PMS1: variants seen among roughly 807,000 people sequenced by gnomAD.
PMS1 encodes the protein PMS1 homolog 1, mismatch repair system component.
Under a neutral mutation model 93.1 loss-of-function variants are expected in PMS1, and 79 were observed. That is an observed-to-expected ratio of 0.85 (90% confidence interval 0.71 to 1.02). The LOEUF (loss-of-function observed/expected upper bound fraction) is 1.02. PMS1 is among the 50% of genes least tolerant of loss of function. The pLI, the probability that PMS1 is intolerant of heterozygous loss-of-function variation, is 0.00. For missense variants in PMS1, 1,064 were observed against 1,085.3 expected, an observed-to-expected ratio of 0.98 and a Z score of 0.28; for synonymous variants, 335 against 363.4, an observed-to-expected ratio of 0.92 and a Z score of 0.89.
At chr2:189,855,829 G>A (rs538168630) in intron 9 of PMS1, 3 of 965,170 alleles carry the variant, frequency 3.1e-6, no homozygotes, top group East Asian at 8.2e-5. Flanking sequence ...ATTGACTTAG[G>A]ACACTTAATA....
intron 2 of PMS1, among the ~76,000 whole-genome samples, chr2:189,794,505 C>T (rs1410237342): frequency 6.6e-6 from 1 of 152,044 alleles, no homozygotes; most frequent in African/African-American, 2.4e-5. Context: ...CTAAAAATTG[C>T]CGACATATAC....
At chr2:189,858,499 T>C (rs1323104550) in intron 9 of PMS1, among the ~76,000 whole-genome samples, 5 of 152,188 alleles carry the variant, frequency 3.3e-5, no homozygotes, top group Non-Finnish European at 7.4e-5. Flanking sequence ...CAGTAGCAGC[T>C]GCTTTTACTT....
chr2:189,824,780 CATA>C (rs1456090949), intron 5 of PMS1, among the ~76,000 whole-genome samples: 1 of 152,010 alleles, frequency 6.6e-6, no homozygotes, highest in Non-Finnish European at 1.5e-5. Context: ...GCTTTTTTCT[CATA>C]GTAGATTTTT....
At chr2:189,831,893 G>A (rs999488042) in intron 5 of PMS1, among the ~76,000 whole-genome samples, 1 of 151,908 alleles carries the variant, frequency 6.6e-6, no homozygotes, top group African/African-American at 2.4e-5. Context: ...GCAATTTCTG[G>A]TTATTTTTAG....
chr2:189,814,677 T>C (rs961813509), intron 4 of PMS1, among the ~76,000 whole-genome samples: 5 of 152,204 alleles, frequency 3.3e-5, no homozygotes, highest in African/African-American at 9.7e-5. Flanking sequence ...CTCATACTTG[T>C]ATTCTAAGAG....
chr2:189,854,683 A>G lies in PMS1; in HGVS notation c.1411A>G (p.Asn471Asp). 6.2e-7 allele frequency: 1 copy of G among 1,613,948 alleles called. No homozygotes were observed. Among genetic ancestry groups the G allele is most frequent in the South Asian group, 1.1e-5 (1 of 91,088 alleles). Residue 471 changes from asparagine (N) to aspartate (D), a missense_variant, in exon 9 of 13, where the codon AAT (asparagine) becomes GAT (aspartate). Transcript: ENST00000441310. ...TAAGCACACCCAGTCAGAAAATGGC[A>G]ATAAAGACCATATAGATGAGAGTGG... ...SVKHTQSENG[N>D]KDHIDESGEN...
chr2:189,790,123 C>T (rs1332017866), intron 1 of PMS1, among the ~76,000 whole-genome samples: 1 of 152,056 alleles, frequency 6.6e-6, no homozygotes, highest in Admixed American at 6.6e-5. Flanking sequence ...ATGTCGTAGG[C>T]AGAATAATAT....
chr2:189,868,955 A>G lies in PMS1; in HGVS notation c.2473+1026A>G, dbSNP rs374109206. Reference sequence around the variant, plus strand: ...CACTGTGTCTTCATTGAAAACAACTAATAATTATTGAATAATTATTATGTA... The same window carrying G: ...CACTGTGTCTTCATTGAAAACAACTGATAATTATTGAATAATTATTATGTA... On this transcript the variant is annotated intron_variant, in intron 11 of 12. Coordinates refer to ENST00000441310, the MANE Select transcript of PMS1 (RefSeq NM_000534.5). Among the ~76,000 whole-genome samples the G allele has an allele frequency of 2.1e-4, 32 of 152,326 alleles. No individual in the cohort carries two copies. The East Asian group carries it at 3.3e-3, about 16-fold the overall frequency.
At chr2:189,839,821 C>G (rs139419508) in intron 5 of PMS1, among the ~76,000 whole-genome samples, 1 of 152,172 alleles carries the variant, frequency 6.6e-6, no homozygotes, top group African/African-American at 2.4e-5. Context: ...AAAATTGATG[C>G]TCAATATGTA....
At chr2:189,849,905 G>A in intron 6 of PMS1, among the ~76,000 whole-genome samples, 1 of 123,106 alleles carries the variant, frequency 8.1e-6, no homozygotes, top group South Asian at 2.7e-4. Context: ...GGTGCTATAT[G>A]AGCCCCCTTT....
intron 5 of PMS1, among the ~76,000 whole-genome samples, chr2:189,842,048 CAG>C (rs1351462188): frequency 1.3e-5 from 2 of 150,916 alleles, no homozygotes; most frequent in East Asian, 4.1e-4. Context: ...ATTTCCCAGC[CAG>C]ACTTTCTGAA....
At chr2:189,844,182 T>C in intron 6 of PMS1, 102 bp downstream of exon 6, 1 of 1,574,696 alleles carries the variant, frequency 6.4e-7, no homozygotes, top group Non-Finnish European at 8.6e-7. Context: ...AGTCTTTTAA[T>C]ATTTTAATCA....
chr2:189,786,848 T>C (rs5742952), intron 1 of PMS1, among the ~76,000 whole-genome samples: 2,480 of 152,206 alleles, frequency 0.016, 67 homozygotes, highest in African/African-American at 0.057. Context: ...GGTCAGGAGT[T>C]TGAGACCAGC....
chr2:189,843,849 G>A (rs1212970451), intron 5 of PMS1, 115 bp from the exon 6 acceptor site: 2 of 858,510 alleles, frequency 2.3e-6, no homozygotes, highest in Non-Finnish European at 3.8e-6. Context: ...TCTTCTAAGT[G>A]ATACTGAAAT....
intron 2 of PMS1, among the ~76,000 whole-genome samples, chr2:189,794,642 T>C (rs754661155): frequency 6.6e-6 from 1 of 152,228 alleles, no homozygotes; most frequent in Non-Finnish European, 1.5e-5. Context: ...CATAAGACTT[T>C]GTGGAGTAAA....
intron 9 of PMS1, among the ~76,000 whole-genome samples, chr2:189,855,438 A>AT (rs55803547): frequency 0.014 from 1,951 of 144,324 alleles, 17 homozygotes; most frequent in African/African-American, 0.021. Context: ...TTTATCTTCT[A>AT]TTTTTTTTTT....
At chr2:189,828,117 G>T (rs1159636659) in intron 5 of PMS1, among the ~76,000 whole-genome samples, 2 of 152,036 alleles carry the variant, frequency 1.3e-5, no homozygotes, top group African/African-American at 4.8e-5. Context: ...GTAGAGACGG[G>T]GTTTCACCAT....
chr2:189,789,233 A>G (rs776309068), intron 1 of PMS1, among the ~76,000 whole-genome samples: 1 of 152,190 alleles, frequency 6.6e-6, no homozygotes, highest in African/African-American at 2.4e-5. Context: ...ACAACACTTT[A>G]TATATTCTTC....
intron 9 of PMS1, among the ~76,000 whole-genome samples, chr2:189,862,717 AC>A (rs1200257281): frequency 6.6e-6 from 1 of 152,076 alleles, no homozygotes; most frequent in Non-Finnish European, 1.5e-5. Context: ...TTGTTCTTGG[AC>A]CCAGGGCAAC....
Sources: allele counts gnomAD v4.1 joint callset (sites outside exome capture counted in the v4.1 genomes callset), GRCh38; gene constraint gnomAD v4.1.1; transcripts MANE v1.5; gene names NCBI Gene and HGNC (gene_info 2026-07-23, HGNC 2026-07-21).